The following SCNN1B variants were observed in gnomAD, a reference collection of about 807,000 sequenced individuals.
SCNN1B encodes the protein epithelial sodium channel subunit beta.
In SCNN1B, 46 loss-of-function variants were observed where a neutral mutation model predicts 65.3. That is an observed-to-expected ratio of 0.70 (90% CI 0.56 to 0.90). SCNN1B has a LOEUF of 0.90. SCNN1B is among the 40% of genes least tolerant of loss of function. The pLI, the probability that SCNN1B is intolerant of heterozygous loss-of-function variation, is 0.00. For missense variants in SCNN1B, 751 were observed against 830.5 expected (o/e 0.90, Z 1.18); for synonymous variants, 349 against 330.6 (o/e 1.06, Z -0.60).
chr16:23,290,107 GT>G (rs1960903095), intron 2 of SCNN1B, among the ~76,000 whole-genome samples: 1 of 152,050 alleles, frequency 6.6e-6, no homozygotes, highest in Non-Finnish European at 1.5e-5. Flanking sequence ...GCACGTCTCC[GT>G]TTTTTTCCCC....
At chr16:23,313,047 C>G (rs1961377492) in intron 1 of SCNN1B, among the ~76,000 whole-genome samples, 1 of 152,186 alleles carries the variant, frequency 6.6e-6, no homozygotes, top group Non-Finnish European at 1.5e-5. Flanking sequence ...AACACTAGTT[C>G]ACAGGAACTG....
intron 2 of SCNN1B, among the ~76,000 whole-genome samples, chr16:23,295,378 C>G (rs918264394): frequency 6.6e-6 from 1 of 151,994 alleles, no homozygotes; most frequent in African/African-American, 2.4e-5. Flanking sequence ...TGCCACCATG[C>G]CCAGCAATTT....
intron 4 of SCNN1B, among the ~76,000 whole-genome samples, chr16:23,364,265 T>C (rs182676233): frequency 2.6e-5 from 4 of 152,332 alleles, no homozygotes. Flanking sequence ...TACTATTAAC[T>C]AATAGTTCTA....
rs889330527 is a variant in SCNN1B, at chr16:23,307,121, C to A, written c.-9+4684C>A. Among the ~76,000 whole-genome samples, 6 of 151,976 alleles carry A rather than the reference C, an allele frequency of 3.9e-5. No individual in the cohort carries two copies. In the East Asian group the frequency reaches 7.7e-4, roughly 20 times the overall value. ...TCTGTCTGATTCAAAGCATGTGAGC[C>A]CTTGCTGAGCCTCAGTTTTCTCACT... On this transcript the variant is annotated intron_variant, in intron 1 of 12. Transcript: ENST00000343070.
intron 4 of SCNN1B, among the ~76,000 whole-genome samples, chr16:23,364,800 G>A (rs1962615116): frequency 6.6e-6 from 1 of 152,092 alleles, no homozygotes; most frequent in Admixed American, 6.6e-5. Flanking sequence ...GACCAGCCTG[G>A]CCAACATAGT....
intron 1 of SCNN1B, among the ~76,000 whole-genome samples, chr16:23,305,792 CCAGA>C (rs1278817562): frequency 6.6e-6 from 1 of 151,446 alleles, no homozygotes; most frequent in Non-Finnish European, 1.5e-5. Flanking sequence ...CAACTCTGGG[CCAGA>C]CACTCAGCTG....
At chr16:23,371,906 A>C in intron 7 of SCNN1B, 23 bp downstream of exon 7, 1 of 1,560,170 alleles carries the variant, frequency 6.4e-7, no homozygotes, top group Non-Finnish European at 8.8e-7. Context: ...TGCACGCCTC[A>C]TGCCCCGGGG....
chr16:23,279,019 C>T (rs370802203), intron 1 of SCNN1B, among the ~76,000 whole-genome samples: 3 of 146,726 alleles, frequency 2.0e-5, no homozygotes, highest in Admixed American at 6.8e-5. Flanking sequence ...GGGGAGGGGG[C>T]GGGTGTTGAA....
At chr16:23,345,046 A>G (rs1204699869) in intron 1 of SCNN1B, among the ~76,000 whole-genome samples, 1 of 152,100 alleles carries the variant, frequency 6.6e-6, no homozygotes, top group Admixed American at 6.5e-5. Flanking sequence ...GAGTTGGAGA[A>G]GAAAGCACTT....
intron 1 of SCNN1B, chr16:23,304,079 A>G (rs1246271959): frequency 6.5e-7 from 1 of 1,535,874 alleles, no homozygotes; most frequent in Non-Finnish European, 8.7e-7. Context: ...ACCGATGGGA[A>G]TTTAGGTGAC....
chr16:23,301,398 A>C (rs1040696630), upstream of SCNN1B, among the ~76,000 whole-genome samples: 18 of 142,668 alleles, frequency 1.3e-4, no homozygotes, highest in Non-Finnish European at 2.1e-4. Context: ...AGAGAGAGGT[A>C]GGGAGGGAGG....
intron 1 of SCNN1B, among the ~76,000 whole-genome samples, chr16:23,303,721 G>C (rs927319163): frequency 1.3e-5 from 2 of 149,878 alleles, no homozygotes; most frequent in African/African-American, 2.5e-5. Flanking sequence ...TTTGAGACCA[G>C]CCCAGCCTAC....
intron 1 of SCNN1B, among the ~76,000 whole-genome samples, chr16:23,304,341 C>T (rs1014665686): frequency 6.6e-6 from 1 of 152,120 alleles, no homozygotes. Context: ...TACACACAAG[C>T]AAGTGTACAT....
Position 23,377,386 on chromosome 16 carries a change from G to A in SCNN1B, c.1404G>A (p.Glu468=), listed in dbSNP as rs754237460. 1 of 1,614,156 alleles carries A rather than the reference G, an allele frequency of 6.2e-7. No homozygotes were observed. The highest frequency in any genetic ancestry group is 2.2e-5 in the East Asian group (1 of 44,880). Residue 468 remains glutamate, a splice_region_variant and synonymous_variant, in exon 10 of 13, where the codon GAG becomes GAA. Transcript: ENST00000343070. ...SMADWPSEAS[E]DWIFHVLSQE... is the part of the protein sequence containing the mutation. The stretch of plus-strand genomic sequence containing the variant: ...CTGACTGGCCTTCTGAGGCCTCCGA[G>A]GTGAGACAGTTGGGGGCCAAGCTCC...
intron 4 of SCNN1B, among the ~76,000 whole-genome samples, chr16:23,366,472 G>T (rs1309517089): frequency 6.6e-6 from 1 of 151,834 alleles, no homozygotes; most frequent in Admixed American, 6.6e-5. Flanking sequence ...AGTGGCTCAC[G>T]CCTGTAATCG....
At chr16:23,312,655 T>C (rs1961369323) in intron 1 of SCNN1B, among the ~76,000 whole-genome samples, 1 of 152,024 alleles carries the variant, frequency 6.6e-6, no homozygotes, top group African/African-American at 2.4e-5. Flanking sequence ...TCAGGGAAAA[T>C]TGAAATCTCA....
At chr16:23,301,366 A>AAAAAAAGAAAG (rs796515589), upstream of SCNN1B, among the ~76,000 whole-genome samples, 245 of 146,822 alleles carry the variant, frequency 1.7e-3, no homozygotes, top group African/African-American at 6.3e-3. Flanking sequence ...TGTCAAAAAA[A>AAAAAAAGAAAG]AAAGAAAGAA....
intron 2 of SCNN1B, among the ~76,000 whole-genome samples, chr16:23,292,274 A>C (rs1960936540): frequency 6.7e-6 from 1 of 150,286 alleles, no homozygotes; most frequent in South Asian, 2.1e-4. Flanking sequence ...GCTCACTGCA[A>C]GCTCCGCCTA....
chr16:23,286,659 A>G (rs976742406), intron 2 of SCNN1B, among the ~76,000 whole-genome samples: 15 of 152,380 alleles, frequency 9.8e-5, no homozygotes, highest in Admixed American at 9.1e-4. Flanking sequence ...ACCTCAAGAA[A>G]TCAATCAAAC....
Sources: gnomAD v4.1 joint callset for allele counts (sites outside exome capture counted in the v4.1 genomes callset) on GRCh38, gnomAD v4.1.1 for gene constraint, MANE v1.5 for transcripts, NCBI Gene and HGNC (gene_info 2026-07-23, HGNC 2026-07-21) for gene names.